Variants in DNMT3A observed in about 807,000 individuals in gnomAD.
DNMT3A encodes the protein DNA methyltransferase 3 alpha, also known as DNA (cytosine-5)-methyltransferase 3A.
In DNMT3A, 267 loss-of-function variants were observed where a neutral mutation model predicts 117.6. That is an observed-to-expected ratio of 2.27 (90% CI 2.05 to 2.51). The LOEUF (loss-of-function observed/expected upper bound fraction) is 2.51. Among genes scored for constraint, DNMT3A ranks in the 30% most tolerant of loss-of-function variants. The pLI, the probability that DNMT3A is intolerant of heterozygous loss-of-function variation, is 0.00. For synonymous variants in DNMT3A, 432 were observed against 474.8 expected (o/e 0.91, Z 1.17); for missense variants, 1,029 against 1,260.2 (o/e 0.82, Z 2.78).
intron 3 of DNMT3A, among the ~76,000 whole-genome samples, chr2:25,299,079 C>T (rs2033267747): frequency 6.6e-6 from 1 of 152,212 alleles, no homozygotes; most frequent in African/African-American, 2.4e-5. Context: ...CTCTGACTCC[C>T]CCTTACCTTC....
rs201452372 is a variant in DNMT3A at position 25,341,634 on chromosome 2, G to A, written c.-178+192C>T. 1.2e-3 allele frequency among the ~76,000 whole-genome samples: 175 copies of A among 146,618 alleles called. 1 individual carries two copies. In the East Asian group the frequency reaches 0.032, roughly 27 times the overall value. On this transcript the variant is annotated intron_variant, in intron 1 of 22. Coordinates refer to ENST00000321117, the MANE Select transcript of DNMT3A (RefSeq NM_022552.5). ...ATAAACAAACCCTCAAATCCCCCGC[G>A]CCGCCCCGGCCAGCCCGGCCCGCCG...
chr2:25,245,242 T>C lies in DNMT3A; in HGVS notation c.1554+11A>G, dbSNP rs750391467. 12 of 1,613,376 alleles carry C rather than the reference T, an allele frequency of 7.4e-6. No individual in the cohort carries two copies. Among genetic ancestry groups the C allele is most frequent in the South Asian group, 1.1e-5 (1 of 90,812 alleles). ...CTCAACGGCACCTCTCCTGGGTGGGTGTGCTCCTACCTTGCAGTTTTGGCA... is the reference window on the plus strand; with the variant it reads ...CTCAACGGCACCTCTCCTGGGTGGGCGTGCTCCTACCTTGCAGTTTTGGCA... On this transcript the variant is annotated intron_variant, in intron 13 of 22. Transcript: ENST00000321117.
At position 25,234,310 on chromosome 2, in the gene DNMT3A, GC is replaced by G. The variant is rs1323968409; in HGVS notation, c.2707del (p.Ala903LeufsTer3). ...ACACGCAAAATACTCCTTCAGCGGA[GC>G]GAAGAGGTGGCGGATGACTGGCACG... Reference protein sequence around the residue: ...WSVPVIRHLFAPLKEYFACV With the variant: ...WSVPVIRHLFXPLKEYFACV On this transcript the variant is annotated frameshift_variant, in exon 23 of 23. Coordinates refer to ENST00000321117, the MANE Select transcript of DNMT3A (RefSeq NM_022552.5). LOFTEE classifies it high-confidence loss of function. The surrounding 1 kb of genome is among the most constrained non-coding windows in gnomAD (Gnocchi z 4.5). The G allele has an allele frequency of 6.2e-7, 1 of 1,614,052 alleles. No homozygotes were observed.
In DNMT3A at chr2:25,275,147, G is replaced by T. The variant is rs918617616; in HGVS notation, c.493-60C>A. 8.0e-6 allele frequency: 12 copies of T among 1,493,660 alleles called. No individual in the cohort carries two copies. In the African/African-American group the frequency reaches 1.7e-4, roughly 21 times the overall value. 92.5% of individuals were successfully genotyped at this position (1,493,660 alleles called of 1,614,324 possible). On this transcript the variant is annotated intron_variant, in intron 5 of 22. Coordinates refer to ENST00000321117, the MANE Select transcript of DNMT3A (RefSeq NM_022552.5). ...TGGGCACTGACGGACCCACCAAGGA[G>T]GCACTCGCCTCAAACACAATGTGGA... is the stretch of plus-strand genomic sequence containing the variant.
At position 25,246,158 on chromosome 2, in the gene DNMT3A, A is replaced by G. The variant is rs1207237998; in HGVS notation, c.1429+2T>C. On this transcript the variant is annotated splice_donor_variant, in intron 11 of 22. Transcript: ENST00000321117. LOFTEE classifies it high-confidence loss of function. The stretch of plus-strand genomic sequence containing the variant: ...CACCCTCTCCAGAAGCAGGCCAACT[A>G]CCTCTTGTGCGCTCATCAATAATCT... 1 of 1,613,752 alleles carries G rather than the reference A, an allele frequency of 6.2e-7. No homozygotes were observed. The highest frequency in any genetic ancestry group is 8.5e-7 in the Non-Finnish European group (1 of 1,179,834).
In DNMT3A at chr2:25,314,173, A is replaced by T; in HGVS notation, c.-177-12T>A. ...TTCGATGGCTCCACCTGTGGGGGAG[A>T]GAAGAGGATCAGTGGGGCGGAGCAC... is the stretch of plus-strand genomic sequence containing the variant. On this transcript the variant is annotated splice_polypyrimidine_tract_variant and intron_variant, in intron 1 of 22. Coordinates refer to ENST00000321117, the MANE Select transcript of DNMT3A (RefSeq NM_022552.5). The T allele has an allele frequency of 7.0e-7, 1 of 1,420,996 alleles. No individual in the cohort carries two copies. The highest frequency in any genetic ancestry group is 9.2e-7 in the Non-Finnish European group (1 of 1,091,364). The allele number at this position is 1,420,996 out of a possible 1,614,324, so 88.0% of individuals were successfully genotyped here.
chr2:25,247,898 G>A lies in DNMT3A; in HGVS notation c.855+139C>T, dbSNP rs1240299811. On this transcript the variant is annotated intron_variant, in intron 7 of 22. Coordinates refer to ENST00000321117, the MANE Select transcript of DNMT3A (RefSeq NM_022552.5). The surrounding 1 kb of genome is among the most constrained non-coding windows in gnomAD (Gnocchi z 5.6). ...GAATGAGGCAAGACAGAGCAAAATC[G>A]GGGAGACGAAGAGGCCCGGGGTCAG... 4 of 1,511,580 alleles carry A rather than the reference G, an allele frequency of 2.6e-6. No homozygotes were observed. Among genetic ancestry groups the A allele is most frequent in the African/African-American group, 2.8e-5 (2 of 71,362 alleles). 93.6% of individuals were successfully genotyped at this position (1,511,580 alleles called of 1,614,324 possible).
chr2:25,302,275 G>A (rs759069294), intron 2 of DNMT3A, among the ~76,000 whole-genome samples: 25 of 152,238 alleles, frequency 1.6e-4, no homozygotes, highest in Non-Finnish European at 2.9e-4. Flanking sequence ...CAACACTGGA[G>A]ACCAAAGCTG....
At chr2:25,297,604 G>A (rs1293578380) in intron 3 of DNMT3A, among the ~76,000 whole-genome samples, 1 of 150,050 alleles carries the variant, frequency 6.7e-6, no homozygotes, top group Non-Finnish European at 1.5e-5. Context: ...TTCCCCTTCC[G>A]GGTTCAAGCG....
At position 25,281,352 on chromosome 2, in the gene DNMT3A, G is replaced by T; in HGVS notation, c.448+1089C>A. 1 of 791,440 alleles carries T rather than the reference G, an allele frequency of 1.3e-6. No individual in the cohort carries two copies. The highest frequency in any genetic ancestry group is 1.6e-6 in the Non-Finnish European group (1 of 643,784). 49.0% of individuals were successfully genotyped at this position (791,440 alleles called of 1,614,324 possible). A position where few individuals can be genotyped will look rare whatever the true frequency, so the allele number is the denominator to read the frequency against. ...TCTCTTGAATAAGATTGTTAGAGGA[G>T]TAAATAAAACAACTAATACAGATTC... On this transcript the variant is annotated intron_variant, in intron 4 of 22. Transcript: ENST00000321117. The surrounding 1 kb of genome is among the most constrained non-coding windows in gnomAD (Gnocchi z 4.8).
intron 3 of DNMT3A, 85 bp downstream of exon 3, chr2:25,300,054 C>A: frequency 1.4e-6 from 2 of 1,430,194 alleles, no homozygotes; most frequent in South Asian, 1.3e-5. Context: ...CAGGTCCCTG[C>A]AGGACATACA....
At position 25,314,588 on chromosome 2, in the gene DNMT3A, C is replaced by A. The variant is rs1198311535; in HGVS notation, c.-177-427G>T. 5.1e-6 allele frequency: 5 copies of A among 985,368 alleles called. No homozygotes were observed. The East Asian group carries it at 3.4e-4, about 67-fold the overall frequency. The allele number at this position is 985,368 out of a possible 1,614,324, so 61.0% of individuals were successfully genotyped here. ...TCTAATCTGTCCTCACCCCCACCCC[C>A]ACACCTCCCGCCACGTGGAGGAAGT... On this transcript the variant is annotated intron_variant, in intron 1 of 22. Transcript: ENST00000321117.
intron 1 of DNMT3A, among the ~76,000 whole-genome samples, chr2:25,338,898 T>G (rs1249828064): frequency 6.6e-6 from 1 of 152,114 alleles, no homozygotes; most frequent in South Asian, 2.1e-4. Flanking sequence ...TTACTGTGAA[T>G]TGGACTTGAA....
Position 25,244,186 on chromosome 2 carries a change from A to ATC in DNMT3A, c.1818_1819dup (p.Met607ArgfsTer45). The stretch of plus-strand genomic sequence containing the variant: ...CTGGTCGTGGTTATTAGCGAAGAAC[A>ATC]TCTGGAGCCGGGAGGGCCAGTCCTC... On this transcript the variant is annotated frameshift_variant, in exon 15 of 23. Transcript: ENST00000321117. LOFTEE classifies it high-confidence loss of function. 6.2e-7 allele frequency: 1 copy of ATC among 1,613,936 alleles called. No individual in the cohort carries two copies. The highest frequency in any genetic ancestry group is 8.5e-7 in the Non-Finnish European group (1 of 1,180,032).
Position 25,300,763 on chromosome 2 carries a change from AT to A in DNMT3A, c.73-521del, listed in dbSNP as rs2033420016. ...TATATATATATATATATATATATAT[AT>A]ATATAAATAATACATCCTTTGGGGA... On this transcript the variant is annotated intron_variant, in intron 2 of 22. Coordinates refer to ENST00000321117, the MANE Select transcript of DNMT3A (RefSeq NM_022552.5). Among the ~76,000 whole-genome samples, 42 of 77,552 alleles carry A rather than the reference AT, an allele frequency of 5.4e-4. 1 individual carries two copies. The highest frequency in any genetic ancestry group is 7.7e-4 in the South Asian group (2 of 2,598). 50.9% of individuals were successfully genotyped at this position (77,552 alleles called of 152,430 possible). A position where few individuals can be genotyped will look rare whatever the true frequency, so the allele number is the denominator to read the frequency against.
intron 1 of DNMT3A, among the ~76,000 whole-genome samples, chr2:25,340,553 T>C (rs2035381425): frequency 6.6e-6 from 1 of 151,192 alleles, no homozygotes; most frequent in Admixed American, 6.6e-5. Context: ...GGAGGGGAAC[T>C]GGGGTGAGGG....
chr2:25,332,850 G>T (rs772520697), intron 1 of DNMT3A, among the ~76,000 whole-genome samples: 2 of 152,228 alleles, frequency 1.3e-5, no homozygotes, highest in Non-Finnish European at 2.9e-5. Context: ...AAACCATTAG[G>T]AGCCCTTGCT....
chr2:25,268,278 G>A (rs2030546742), intron 6 of DNMT3A, among the ~76,000 whole-genome samples: 1 of 152,174 alleles, frequency 6.6e-6, no homozygotes, highest in African/African-American at 2.4e-5. Flanking sequence ...AGAACAATAG[G>A]ACATGGTACC....
rs1431383011 is a variant in DNMT3A, at chr2:25,236,909, G to A, written c.2478+27C>T. On this transcript the variant is annotated intron_variant, in intron 21 of 22. Coordinates refer to ENST00000321117, the MANE Select transcript of DNMT3A (RefSeq NM_022552.5). This position sits in a 1 kb window ranked among gnomAD's most constrained non-coding sequence, Gnocchi z 4.5. ...TGCCCTTCCTTCTCCCTGCCCCCCA[G>A]CAGAGGTTCTAGACGCTGGAGCTGA... 6.2e-7 allele frequency: 1 copy of A among 1,604,738 alleles called. No homozygotes were observed. The highest frequency in any genetic ancestry group is 8.5e-7 in the Non-Finnish European group (1 of 1,175,880).
Sources: allele counts gnomAD v4.1 joint callset (sites outside exome capture counted in the v4.1 genomes callset), GRCh38; gene constraint gnomAD v4.1.1; non-coding constraint Gnocchi (gnomAD v3.1); transcripts MANE v1.5; gene names NCBI Gene and HGNC (gene_info 2026-07-23, HGNC 2026-07-21).